Variants in RFC5 observed in about 807,000 individuals in gnomAD.
RFC5 encodes replication factor C subunit 5.
RFC5 carries 26 observed loss-of-function variants against 44.3 expected under a neutral mutation model. The ratio of observed to expected loss-of-function variants is 0.59; its 90% CI spans 0.43 to 0.81. The LOEUF (loss-of-function observed/expected upper bound fraction) is 0.81. Among genes scored for constraint, RFC5 ranks in the 40% least tolerant of loss-of-function variants. The probability of loss-of-function intolerance (pLI) is 0.00; values close to 1 mark genes in which losing one functional copy is unlikely to be tolerated. For synonymous variants in RFC5, 155 were observed against 155.2 expected, an observed-to-expected ratio of 1.00 and a Z score of 0.01; for missense variants, 328 against 418.6, an observed-to-expected ratio of 0.78 and a Z score of 1.89.
the RFC5 span, chr12:118,038,344 A>G: frequency 1.2e-6 from 2 of 1,614,084 alleles, no homozygotes; most frequent in African/African-American, 1.3e-5. Context: ...ATGGAACAGC[A>G]GTAAACCCAC....
rs1440153992 is a variant in RFC5 at position 118,026,996 on chromosome 12, A to G, written c.771A>G (p.Gln257=). ...ACATCCTGGACTGGATGTTGAATCA[A>G]GATTTCACCACAGCCTACAGAAGTA... ...IANILDWMLN[Q]DFTTAYRNIT... Residue 257 remains glutamine (Q), a synonymous_variant, in exon 8 of 11, where the codon CAA becomes CAG. Transcript: ENST00000454402. 6.2e-7 allele frequency: 1 copy of G among 1,613,428 alleles called. No homozygotes were observed.
chr12:118,030,116 A>T (rs1168712103), intron 10 of RFC5, among the ~76,000 whole-genome samples: 1 of 152,106 alleles, frequency 6.6e-6, no homozygotes, highest in Non-Finnish European at 1.5e-5. Context: ...GTTATTTGGG[A>T]GGCCTGCTTT....
chr12:118,018,635 T>C (rs1470732613), intron 1 of RFC5, among the ~76,000 whole-genome samples: 1 of 152,020 alleles, frequency 6.6e-6, no homozygotes, highest in African/African-American at 2.4e-5. Context: ...AAGGTCTCAC[T>C]CTGTCGCCCA....
chr12:118,032,091 C>A lies in RFC5; in HGVS notation c.*813C>A, dbSNP rs941225092. The stretch of plus-strand genomic sequence containing the variant: ...TGTTAGTGTTCTTTATAATAAAAAA[C>A]AAAGCAGCCTCCTGGCTGGCTGTGT... On this transcript the variant is annotated 3_prime_UTR_variant, in exon 11 of 11. Transcript: ENST00000454402. The A allele has an allele frequency of 6.6e-6, 1 of 152,200 alleles. No individual in the cohort carries two copies. The highest frequency in any genetic ancestry group is 1.5e-5 in the Non-Finnish European group (1 of 68,020). 9.4% of individuals were successfully genotyped at this position (152,200 alleles called of 1,614,324 possible).
In RFC5 at chr12:118,031,468, T is replaced by C; in HGVS notation, c.*190T>C. 1 of 423,916 alleles carries C rather than the reference T, an allele frequency of 2.4e-6. No homozygotes were observed. Among genetic ancestry groups the C allele is most frequent in the South Asian group, 5.8e-5 (1 of 17,228 alleles). 26.3% of individuals were successfully genotyped at this position (423,916 alleles called of 1,614,324 possible). ...TTTTTGTGGTTGTTTGGAGCAGGGATGTACAAAATAATTTTAATGTATTAA... is the reference window on the plus strand; with the variant it reads ...TTTTTGTGGTTGTTTGGAGCAGGGACGTACAAAATAATTTTAATGTATTAA... On this transcript the variant is annotated 3_prime_UTR_variant, in exon 11 of 11. Transcript: ENST00000454402.
intron 1 of RFC5, among the ~76,000 whole-genome samples, chr12:118,017,114 C>G (rs775610355): frequency 3.7e-4 from 56 of 152,186 alleles, no homozygotes; most frequent in Non-Finnish European, 6.5e-4. Flanking sequence ...CCTTTCACCC[C>G]CAGCTCCATT....
At chr12:118,025,143 G>C in intron 6 of RFC5, 133 bp downstream of exon 6, 1 of 693,872 alleles carries the variant, frequency 1.4e-6, no homozygotes, top group Non-Finnish European at 2.3e-6. Flanking sequence ...GGGAGGCACT[G>C]GGGACCGTCC....
downstream of RFC5, chr12:118,035,327 G>A: frequency 7.4e-6 from 12 of 1,613,702 alleles, no homozygotes; most frequent in Non-Finnish European, 1.0e-5. Flanking sequence ...GGGTGTGGCT[G>A]GGAAGGAAAG....
At chr12:118,020,660 A>C (rs2030422133) in intron 3 of RFC5, among the ~76,000 whole-genome samples, 1 of 152,226 alleles carries the variant, frequency 6.6e-6, no homozygotes, top group African/African-American at 2.4e-5. Flanking sequence ...TAACCATACC[A>C]ATTAATTATT....
At position 118,020,976 on chromosome 12, in the gene RFC5, C is replaced by G; in HGVS notation, c.338C>G (p.Thr113Arg). 1 of 1,598,750 alleles carries G rather than the reference C, an allele frequency of 6.3e-7. No homozygotes were observed. The highest frequency in any genetic ancestry group is 8.6e-7 in the Non-Finnish European group (1 of 1,166,864). ...GPILSFASTR[T>R]IFKKGFKLVI... Reference sequence around the variant, plus strand: ...ATCCTGAGCTTTGCTAGCACAAGGACAATATTTAAGTAAGAATTATTTGTG... The same window carrying G: ...ATCCTGAGCTTTGCTAGCACAAGGAGAATATTTAAGTAAGAATTATTTGTG... Residue 113 changes from threonine to arginine, a missense_variant, in exon 4 of 11, where the codon ACA becomes AGA. Coordinates refer to ENST00000454402, the MANE Select transcript of RFC5 (RefSeq NM_007370.7).
chr12:118,034,953 C>G, downstream of RFC5: 1 of 1,596,284 alleles, frequency 6.3e-7, no homozygotes. Context: ...CAGCAGAAAG[C>G]ACCACCCATC....
the RFC5 span, chr12:118,038,218 C>A: frequency 1.2e-4 from 172 of 1,450,266 alleles, no homozygotes; most frequent in Non-Finnish European, 1.5e-4. Context: ...TGAGAACACT[C>A]ACACACACCA....
chr12:118,019,861 T>G lies in RFC5; in HGVS notation c.267+93T>G. On this transcript the variant is annotated intron_variant, in intron 3 of 10. Coordinates refer to ENST00000454402, the MANE Select transcript of RFC5 (RefSeq NM_007370.7). This position sits in a 1 kb window ranked among gnomAD's most constrained non-coding sequence, Gnocchi z 4.2. ...GGTTTTATTTTACTTTAAAAGTAAG[T>G]TGCCCCACGGACAGTTAGGAAAGAA... 2 of 1,038,418 alleles carry G rather than the reference T, an allele frequency of 1.9e-6. No homozygotes were observed. Among genetic ancestry groups the G allele is most frequent in the Non-Finnish European group, 2.9e-6 (2 of 700,082 alleles). 64.3% of individuals were successfully genotyped at this position (1,038,418 alleles called of 1,614,324 possible).
intron 5 of RFC5, among the ~76,000 whole-genome samples, chr12:118,023,986 GCAGGCATATCACCTGAGGT>G (rs1218933247): frequency 6.6e-6 from 1 of 152,180 alleles, no homozygotes; most frequent in East Asian, 1.9e-4. Flanking sequence ...GGAGGCTGAG[GCAGGCATATCACCTGAGGT>G]CAGGAGTTCG....
At chr12:118,034,165 T>G, downstream of RFC5, 1 of 1,613,414 alleles carries the variant, frequency 6.2e-7, no homozygotes. Flanking sequence ...CGATTTACCC[T>G]GCTACAAAGA....
At position 118,025,753 on chromosome 12, in the gene RFC5, T is replaced by C; in HGVS notation, c.588T>C (p.Asp196=). The C allele has an allele frequency of 6.3e-7, 1 of 1,599,500 alleles. No homozygotes were observed. The highest frequency in any genetic ancestry group is 8.6e-7 in the Non-Finnish European group (1 of 1,167,962). Residue 196 remains aspartate, a synonymous_variant, in exon 7 of 11, where the codon GAT becomes GAC. Coordinates refer to ENST00000454402, the MANE Select transcript of RFC5 (RefSeq NM_007370.7). ...LEHVVEEEKV[D]ISEDGMKALV... is the part of the protein sequence containing the mutation. ...TTTTGCTTATTTCTTTCAGAGTTGA[T>C]ATAAGTGAAGATGGAATGAAAGCAC...
chr12:118,028,889 G>A (rs1054830450), intron 9 of RFC5, among the ~76,000 whole-genome samples: 2 of 152,162 alleles, frequency 1.3e-5, no homozygotes, highest in Non-Finnish European at 2.9e-5. Context: ...AAGCTCCCCA[G>A]GTGACTTGTG....
At chr12:118,036,386 T>C (rs779739161), downstream of RFC5, 13 of 1,614,124 alleles carry the variant, frequency 8.1e-6, 1 homozygote, top group South Asian at 4.4e-5. Context: ...CATAATCACA[T>C]TGGTATCGTA....
rs376571803 is a variant in RFC5 at position 118,022,235 on chromosome 12, T to G, written c.348-51T>G. ...GGGAAGATATAGGTTTGAGCCCAGA[T>G]GTTGAGATGAGATTGAAGAAATCTT... On this transcript the variant is annotated intron_variant, in intron 4 of 10. Coordinates refer to ENST00000454402, the MANE Select transcript of RFC5 (RefSeq NM_007370.7). 1.2e-5 allele frequency: 17 copies of G among 1,384,542 alleles called. No homozygotes were observed. The African/African-American group carries it at 2.1e-4, about 17-fold the overall frequency. The allele number at this position is 1,384,542 out of a possible 1,614,324, so 85.8% of individuals were successfully genotyped here.
Sources: gnomAD v4.1 joint callset for allele counts (sites outside exome capture counted in the v4.1 genomes callset) on GRCh38, gnomAD v4.1.1 for gene constraint, Gnocchi (gnomAD v3.1) non-coding constraint, MANE v1.5 for transcripts, NCBI Gene and HGNC (gene_info 2026-07-23, HGNC 2026-07-21) for gene names.